ATP13A4: variants seen among roughly 807,000 people sequenced by gnomAD.
The protein encoded by ATP13A4 is probable cation-transporting ATPase 13A4.
ATP13A4 carries 114 observed loss-of-function variants against 142.5 expected under a neutral mutation model. The observed-to-expected ratio is 0.80, with a 90% confidence interval of 0.69 to 0.93. The LOEUF (loss-of-function observed/expected upper bound fraction) is 0.93, where lower values mean the gene tolerates loss of function less well. Ranked by LOEUF, ATP13A4 falls within the 40% of genes least tolerant of loss-of-function variation. The probability of loss-of-function intolerance (pLI) is 0.00; values close to 1 mark genes in which losing one functional copy is unlikely to be tolerated. For synonymous variants in ATP13A4, 488 were observed against 514.8 expected, an observed-to-expected ratio of 0.95 and a Z score of 0.70; for missense variants, 1,392 against 1,454.0, an observed-to-expected ratio of 0.96 and a Z score of 0.69.
chr3:193,405,396 G>A (rs370929586), intron 29 of ATP13A4, among the ~76,000 whole-genome samples: 1 of 152,168 alleles, frequency 6.6e-6, no homozygotes, highest in African/African-American at 2.4e-5. Flanking sequence ...TGAGACACAA[G>A]TGTAATCGAT....
chr3:193,435,698 T>C lies in ATP13A4; in HGVS notation c.2719A>G (p.Met907Val), dbSNP rs1280217508. The C allele has an allele frequency of 2.5e-6, 4 of 1,614,098 alleles. No individual in the cohort carries two copies. The highest frequency in any genetic ancestry group is 1.1e-5 in the South Asian group (1 of 91,078). The change falls in exon 24 of 30, where the codon ATG becomes GTG. Residue 907 changes from methionine (M) to valine (V), a missense_variant. Met to Val is a conservative substitution (Grantham distance 21). Coordinates refer to ENST00000342695, the MANE Select transcript of ATP13A4 (RefSeq NM_032279.4). ...LVTSFCMFKY[M>V]ALYSMIQYVG... Reference sequence around the variant, plus strand: ...TACTGAATCATGCTGTACAGAGCCATGTACTTAAACATGCAAAAGGAGGTA... The same window carrying C: ...TACTGAATCATGCTGTACAGAGCCACGTACTTAAACATGCAAAAGGAGGTA...
chr3:193,423,950 A>G (rs1005112161), intron 25 of ATP13A4, among the ~76,000 whole-genome samples: 2 of 149,572 alleles, frequency 1.3e-5, no homozygotes, highest in Non-Finnish European at 3.0e-5. Flanking sequence ...CCAGAAAACT[A>G]ACAGAACTAA....
At position 193,400,442 on chromosome 3, in the gene ATP13A4, C is replaced by T. The variant is rs1321209626; in HGVS notation, c.*2210G>A. ...GTTTTGTTTTGTTTTGTTTTTAATA[C>T]ACCTCTAGCCCAGGCCTGGCAGGAT... On this transcript the variant is annotated 3_prime_UTR_variant, in exon 30 of 30. Coordinates refer to ENST00000342695, the MANE Select transcript of ATP13A4 (RefSeq NM_032279.4). Among the ~76,000 whole-genome samples, 1 of 152,200 alleles carries T rather than the reference C, an allele frequency of 6.6e-6. No individual in the cohort carries two copies. The highest frequency in any genetic ancestry group is 1.5e-5 in the Non-Finnish European group (1 of 68,032).
intron 25 of ATP13A4, among the ~76,000 whole-genome samples, chr3:193,430,581 C>T (rs1172588368): frequency 6.6e-6 from 1 of 152,004 alleles, no homozygotes; most frequent in Non-Finnish European, 1.5e-5. Context: ...GACATTTGAG[C>T]TCAAATATGA....
At chr3:193,436,653 C>A (rs1228494199) in intron 23 of ATP13A4, among the ~76,000 whole-genome samples, 2 of 151,388 alleles carry the variant, frequency 1.3e-5, no homozygotes, top group Non-Finnish European at 2.9e-5. Flanking sequence ...GGTTTCATCA[C>A]GTTGGCCAAG....
intron 1 of ATP13A4, among the ~76,000 whole-genome samples, chr3:193,549,723 T>A (rs1244127794): frequency 6.6e-6 from 1 of 152,002 alleles, no homozygotes; most frequent in Non-Finnish European, 1.5e-5. Flanking sequence ...TCCCAGCTAC[T>A]CAGGAGGCTG....
intron 1 of ATP13A4, among the ~76,000 whole-genome samples, chr3:193,550,706 T>C (rs1054202444): frequency 2.0e-5 from 3 of 152,240 alleles, no homozygotes; most frequent in African/African-American, 4.8e-5. Flanking sequence ...AATAAACATA[T>C]GTTACCTTTA....
At chr3:193,523,469 A>C (rs950236641) in intron 1 of ATP13A4, among the ~76,000 whole-genome samples, 2 of 152,216 alleles carry the variant, frequency 1.3e-5, no homozygotes, top group Admixed American at 6.5e-5. Context: ...AAGGGGCTAG[A>C]GACTGAGTTC....
At chr3:193,508,507 A>T (rs1172144382) in intron 2 of ATP13A4, among the ~76,000 whole-genome samples, 2 of 152,246 alleles carry the variant, frequency 1.3e-5, no homozygotes, top group Non-Finnish European at 2.9e-5. Flanking sequence ...CTGGAGAAAA[A>T]AATCTCTACT....
upstream of ATP13A4, among the ~76,000 whole-genome samples, chr3:193,557,597 A>C (rs1322561627): frequency 6.6e-6 from 1 of 152,256 alleles, no homozygotes; most frequent in East Asian, 1.9e-4. Context: ...GCAGACATTA[A>C]GTAATTTGCC....
intron 7 of ATP13A4, among the ~76,000 whole-genome samples, chr3:193,484,588 C>A (rs1055268647): frequency 2.0e-5 from 3 of 152,072 alleles, no homozygotes. Context: ...ATTTAAGATA[C>A]TTCCTAAATT....
At chr3:193,556,643 A>G (rs1020652759), upstream of ATP13A4, among the ~76,000 whole-genome samples, 1 of 152,062 alleles carries the variant, frequency 6.6e-6, no homozygotes, top group Non-Finnish European at 1.5e-5. Context: ...GGTAATAAAA[A>G]TGTTCTAGAA....
At chr3:193,463,760 A>G (rs1470285529) in intron 12 of ATP13A4, among the ~76,000 whole-genome samples, 1 of 152,228 alleles carries the variant, frequency 6.6e-6, no homozygotes, top group Non-Finnish European at 1.5e-5. Flanking sequence ...ATATAATCTC[A>G]TAAATAGAAT....
chr3:193,403,464 T>C (rs1056475874), intron 29 of ATP13A4, among the ~76,000 whole-genome samples: 1 of 152,196 alleles, frequency 6.6e-6, no homozygotes, highest in South Asian at 2.1e-4. Context: ...ATGTTTGTTG[T>C]AAGGCTTATA....
At chr3:193,541,168 G>C (rs1722888163) in intron 1 of ATP13A4, among the ~76,000 whole-genome samples, 1 of 147,508 alleles carries the variant, frequency 6.8e-6, no homozygotes, top group Admixed American at 6.9e-5. Flanking sequence ...AGAATGGCGT[G>C]AACCCGGGAG....
At chr3:193,527,764 T>C (rs1402324112) in intron 1 of ATP13A4, among the ~76,000 whole-genome samples, 1 of 152,136 alleles carries the variant, frequency 6.6e-6, no homozygotes, top group Non-Finnish European at 1.5e-5. Flanking sequence ...AAACCTCTTT[T>C]CTTTTATAAA....
intron 2 of ATP13A4, among the ~76,000 whole-genome samples, chr3:193,571,159 T>G (rs1432125992): frequency 6.6e-6 from 1 of 151,766 alleles, no homozygotes. Context: ...GGGCCTGTGA[T>G]CCCACCTATT....
chr3:193,541,162 T>A (rs564756345), intron 1 of ATP13A4, among the ~76,000 whole-genome samples: 56 of 142,056 alleles, frequency 3.9e-4, no homozygotes, highest in African/African-American at 1.4e-3. Flanking sequence ...GGCAGGAGAA[T>A]GGCGTGAACC....
Position 193,438,916 on chromosome 3 carries a change from A to C in ATP13A4, c.2562+107T>G. The C allele has an allele frequency of 6.7e-6, 8 of 1,200,066 alleles. No homozygotes were observed. In the South Asian group the frequency reaches 9.7e-5, roughly 15 times the overall value. 74.3% of individuals were successfully genotyped at this position (1,200,066 alleles called of 1,614,324 possible). Reference sequence around the variant, plus strand: ...CAGGAGTATACCTCTAAAGGGCTCGAGTATAAATGAATGTGAGATTATGAC... The same window carrying C: ...CAGGAGTATACCTCTAAAGGGCTCGCGTATAAATGAATGTGAGATTATGAC... On this transcript the variant is annotated intron_variant, in intron 22 of 29. Coordinates refer to ENST00000342695, the MANE Select transcript of ATP13A4 (RefSeq NM_032279.4).
Sources: allele counts gnomAD v4.1 joint callset (sites outside exome capture counted in the v4.1 genomes callset), GRCh38; gene constraint gnomAD v4.1.1; transcripts MANE v1.5; gene names NCBI Gene and HGNC (gene_info 2026-07-23, HGNC 2026-07-21).